The following MYH15 variants were observed in gnomAD, a reference collection of about 807,000 sequenced individuals.
MYH15 encodes myosin heavy chain 15.
MYH15 carries 227 observed loss-of-function variants against 240.5 expected under a neutral mutation model. The observed-to-expected ratio is 0.94, with a 90% CI of 0.85 to 1.05. MYH15 has a LOEUF of 1.05. Among genes scored for constraint, MYH15 ranks in the 50% least tolerant of loss-of-function variants. The pLI is 0.00. For synonymous variants in MYH15, 785 were observed against 796.7 expected, an observed-to-expected ratio of 0.99 and a Z score of 0.25; for missense variants, 2,217 against 2,247.5, an observed-to-expected ratio of 0.99 and a Z score of 0.27.
chr3:108,432,782 A>G (rs940221158), intron 25 of MYH15, among the ~76,000 whole-genome samples: 11 of 152,220 alleles, frequency 7.2e-5, no homozygotes, highest in African/African-American at 1.7e-4. Context: ...ACGAGTACAC[A>G]GAAGTCATGA....
chr3:108,393,490 TC>T (rs1209148638), intron 36 of MYH15, among the ~76,000 whole-genome samples: 8 of 152,220 alleles, frequency 5.3e-5, no homozygotes, highest in African/African-American at 1.9e-4. Context: ...GGCAGCCAAC[TC>T]TGAGCTCAAC....
intron 36 of MYH15, among the ~76,000 whole-genome samples, chr3:108,392,144 A>G (rs191992524): frequency 2.6e-5 from 4 of 152,332 alleles, no homozygotes; most frequent in East Asian, 3.9e-4. Context: ...AGAACAGGGT[A>G]AGGAGTGGTG....
Position 108,413,299 on chromosome 3 carries a change from A to C in MYH15, c.4145+933T>G, listed in dbSNP as rs376423129. ...TATCTGTCATTCTAAAGCCCTTTTT[A>C]AGTTACTGTGGGTACAGAGATGGAT... On this transcript the variant is annotated intron_variant, in intron 30 of 40. Transcript: ENST00000693548. 4.0e-4 allele frequency among the ~76,000 whole-genome samples: 61 copies of C among 152,328 alleles called. 1 individual carries two copies. Among genetic ancestry groups the C allele is most frequent in the East Asian group, 3.7e-3 (19 of 5,190 alleles).
the MYH15 span, among the ~76,000 whole-genome samples, chr3:108,542,992 T>C: frequency 1.3e-5 from 2 of 151,546 alleles, no homozygotes; most frequent in Non-Finnish European, 2.9e-5. Context: ...GTGATTCTCC[T>C]GCCTCAGCCT....
the MYH15 span, among the ~76,000 whole-genome samples, chr3:108,537,589 C>G: frequency 6.6e-6 from 1 of 152,154 alleles, no homozygotes; most frequent in Non-Finnish European, 1.5e-5. Flanking sequence ...AGCAACAAGG[C>G]AGCATCTTAG....
In MYH15 at chr3:108,482,435, T is replaced by C. The variant is rs181314655; in HGVS notation, c.1114+2656A>G. On this transcript the variant is annotated intron_variant, in intron 11 of 40. Coordinates refer to ENST00000693548, the MANE Select transcript of MYH15 (RefSeq NM_014981.3). The stretch of plus-strand genomic sequence containing the variant: ...AAGCCAAAAGGGAGAGTGGAGGAGA[T>C]TACACATTTCATTTGCTCATCTGTG... 3.3e-5 allele frequency among the ~76,000 whole-genome samples: 5 copies of C among 152,244 alleles called. No individual in the cohort carries two copies. In the East Asian group the frequency reaches 9.6e-4, roughly 29 times the overall value.
intron 1 of MYH15, among the ~76,000 whole-genome samples, chr3:108,517,945 A>G (rs1011234984): frequency 6.6e-6 from 1 of 152,230 alleles, no homozygotes; most frequent in African/African-American, 2.4e-5. Context: ...AGAGCAATGT[A>G]CAGGGCCATA....
chr3:108,381,694 G>A (rs1560298605), intron 40 of MYH15, 135 bp from the exon 41 acceptor site: 1 of 966,394 alleles, frequency 1.0e-6, no homozygotes. Flanking sequence ...TCAAAGGGAG[G>A]CAGGGAATTG....
Position 108,389,941 on chromosome 3 carries a change from C to T in MYH15, c.5431-867G>A, listed in dbSNP as rs76248951. 3.4e-4 allele frequency among the ~76,000 whole-genome samples: 52 copies of T among 152,334 alleles called. 2 individuals carry two copies. The East Asian group carries it at 9.3e-3, about 27-fold the overall frequency. On this transcript the variant is annotated intron_variant, in intron 37 of 40. Transcript: ENST00000693548. ...CTAGCACATCTGACCCCACCTCTTA[C>T]TCCCCACTGGAGCCATTCTTCCCTC...
intron 27 of MYH15, 146 bp downstream of exon 27, chr3:108,428,346 T>C (rs937182581): frequency 2.8e-5 from 28 of 997,470 alleles, no homozygotes; most frequent in Non-Finnish European, 4.1e-5. Context: ...TCAGGCCTGA[T>C]CTATTCCGTC....
chr3:108,410,596 G>T lies in MYH15; in HGVS notation c.4482C>A (p.Asn1494Lys). 6.3e-7 allele frequency: 1 copy of T among 1,591,564 alleles called. No individual in the cohort carries two copies. Among genetic ancestry groups the T allele is most frequent in the Non-Finnish European group, 8.6e-7 (1 of 1,163,036 alleles). ...AGCTCGGTGTACCTTGGAGGTTCTT[G>T]TTCTCCCTCCTGAGTGTCTCCTGGC... ...IVGQETLRRE[N>K]KNLQEEISNL... Residue 1494 changes from asparagine to lysine, a missense_variant, in exon 31 of 41, where the codon AAC (asparagine) becomes AAA (lysine). Transcript: ENST00000693548.
chr3:108,414,276 A>C lies in MYH15; in HGVS notation c.4101T>G (p.Tyr1367Ter), dbSNP rs1002797651. ...NAEMVQWRMK[Y>*]ENNVIQRTED... ...CTGTTCTCTGGATGACATTGTTTTC[A>C]TACTTCATTCTCCATTGCACCATTT... Residue 1367 changes from tyrosine (Y) to a stop codon, truncating the protein, a stop_gained, in exon 30 of 41, where the codon TAT becomes TAG. Coordinates refer to ENST00000693548, the MANE Select transcript of MYH15 (RefSeq NM_014981.3). LOFTEE classifies it high-confidence loss of function. 1.9e-6 allele frequency: 3 copies of C among 1,614,056 alleles called. No individual in the cohort carries two copies. The highest frequency in any genetic ancestry group is 2.5e-6 in the Non-Finnish European group (3 of 1,180,036).
At chr3:108,401,938 A>G (rs2082508919) in intron 33 of MYH15, among the ~76,000 whole-genome samples, 1 of 152,222 alleles carries the variant, frequency 6.6e-6, no homozygotes, top group Non-Finnish European at 1.5e-5. Flanking sequence ...AGGAAGAAGT[A>G]CCTTCTTTTT....
chr3:108,459,591 C>A, intron 17 of MYH15, 142 bp from the exon 18 acceptor site: 1 of 516,842 alleles, frequency 1.9e-6, no homozygotes, highest in Non-Finnish European at 3.4e-6. Flanking sequence ...ATTCAACATT[C>A]TTTACTGCCT....
rs182671464 is a variant in MYH15 at position 108,441,202 on chromosome 3, A to G, written c.2714T>C (p.Ile905Thr). Residue 905 changes from isoleucine to threonine, a missense_variant, in exon 23 of 41, where the codon ATC becomes ACC. By Grantham distance (89) the Ile-to-Thr change is moderately conservative. Coordinates refer to ENST00000693548, the MANE Select transcript of MYH15 (RefSeq NM_014981.3). ...CTCCTTTACTCTGGCCTCCAGCTGG[A>G]TCTTGGATTTAATCAGCCACTCGCA... ...EQCEWLIKSK[I>T]QLEARVKELS... The G allele has an allele frequency of 3.7e-6, 6 of 1,613,900 alleles. No homozygotes were observed. The Admixed American group carries it at 1.0e-4, about 27-fold the overall frequency.
intron 28 of MYH15, among the ~76,000 whole-genome samples, chr3:108,417,653 A>G (rs2082644584): frequency 6.6e-6 from 1 of 152,048 alleles, no homozygotes; most frequent in Non-Finnish European, 1.5e-5. Flanking sequence ...TATCCTATTA[A>G]TTATAGTCGG....
chr3:108,483,416 T>TAA (rs71299348), intron 11 of MYH15, among the ~76,000 whole-genome samples: 28 of 142,406 alleles, frequency 2.0e-4, no homozygotes, highest in African/African-American at 4.4e-4. Context: ...ATGGCTACTA[T>TAA]AAAAAAAAAA....
chr3:108,416,194 T>C (rs1432740104), intron 29 of MYH15, among the ~76,000 whole-genome samples: 1 of 152,174 alleles, frequency 6.6e-6, no homozygotes, highest in Non-Finnish European at 1.5e-5. Flanking sequence ...TAAAACAGAC[T>C]CAACTACCTG....
Position 108,410,941 on chromosome 3 carries a change from G to A in MYH15, c.4146-9C>T, listed in dbSNP as rs749799636. ...TAATTGCCAGTTCCTTCCTGAGAAAGGAGGACACCCAAAGAGTGAGTGAGG... is the reference window on the plus strand; with the variant it reads ...TAATTGCCAGTTCCTTCCTGAGAAAAGAGGACACCCAAAGAGTGAGTGAGG... On this transcript the variant is annotated splice_polypyrimidine_tract_variant and intron_variant, in intron 30 of 40. Transcript: ENST00000693548. The A allele has an allele frequency of 2.5e-6, 4 of 1,585,756 alleles. No individual in the cohort carries two copies. The highest frequency in any genetic ancestry group is 3.4e-6 in the Non-Finnish European group (4 of 1,160,372).
Sources: allele counts gnomAD v4.1 joint callset (sites outside exome capture counted in the v4.1 genomes callset), GRCh38; gene constraint gnomAD v4.1.1; transcripts MANE v1.5; gene names NCBI Gene and HGNC (gene_info 2026-07-23, HGNC 2026-07-21).